The following ANKRD55 variants were observed in gnomAD, a reference collection of about 807,000 sequenced individuals.
ANKRD55 encodes the protein ankyrin repeat domain 55, also known as ankyrin repeat domain-containing protein 55.
Under a neutral mutation model 60.6 loss-of-function variants are expected in ANKRD55, and 41 were observed. That is an observed-to-expected ratio of 0.68 (90% CI 0.53 to 0.88). The LOEUF (loss-of-function observed/expected upper bound fraction) is 0.88, where lower values mean the gene tolerates loss of function less well. Among genes scored for constraint, ANKRD55 ranks in the 40% least tolerant of loss-of-function variants. The pLI, the probability that ANKRD55 is intolerant of heterozygous loss-of-function variation, is 0.00. For synonymous variants in ANKRD55, 264 were observed against 290.3 expected, an observed-to-expected ratio of 0.91 and a Z score of 0.92; for missense variants, 732 against 767.6, an observed-to-expected ratio of 0.95 and a Z score of 0.55.
intron 9 of ANKRD55, among the ~76,000 whole-genome samples, chr5:56,112,126 C>A (rs977714787): frequency 6.6e-6 from 1 of 152,134 alleles, no homozygotes; most frequent in Non-Finnish European, 1.5e-5. Context: ...GTGTTGTTCT[C>A]ACATCTCAAG....
At chr5:56,113,945 C>T (rs1032403484) in intron 9 of ANKRD55, among the ~76,000 whole-genome samples, 3 of 149,144 alleles carry the variant, frequency 2.0e-5, no homozygotes, top group East Asian at 2.0e-4. Context: ...TCACTGCGCT[C>T]GACCCATCTG....
intron 5 of ANKRD55, among the ~76,000 whole-genome samples, chr5:56,165,901 C>T (rs1299801245): frequency 6.6e-6 from 1 of 152,042 alleles, no homozygotes; most frequent in East Asian, 1.9e-4. Context: ...TACGCTCCAG[C>T]CTGGGCAACA....
At chr5:56,146,926 A>C (rs1457764883) in intron 6 of ANKRD55, 2 of 152,226 alleles carry the variant, frequency 1.3e-5, no homozygotes, top group Non-Finnish European at 2.9e-5. Context: ...TTCAGTGCGA[A>C]AATGTGGTTG....
At chr5:56,168,323 C>A (rs1330956161) in intron 5 of ANKRD55, among the ~76,000 whole-genome samples, 1 of 152,116 alleles carries the variant, frequency 6.6e-6, no homozygotes, top group Non-Finnish European at 1.5e-5. Context: ...ATAAACAATT[C>A]ATGTTTTAAA....
At chr5:56,182,634 G>T (rs1169338629) in intron 3 of ANKRD55, among the ~76,000 whole-genome samples, 1 of 151,556 alleles carries the variant, frequency 6.6e-6, no homozygotes, top group Non-Finnish European at 1.5e-5. Context: ...TTGGTATGAC[G>T]AGTGATTTTT....
At chr5:56,104,291 A>G (rs891780987) in intron 10 of ANKRD55, among the ~76,000 whole-genome samples, 1 of 152,102 alleles carries the variant, frequency 6.6e-6, no homozygotes, top group Non-Finnish European at 1.5e-5. Context: ...GGACCTTGTG[A>G]CTTGGAGGAG....
At chr5:56,102,422 G>T in intron 11 of ANKRD55, 72 bp downstream of exon 11, 1 of 1,129,680 alleles carries the variant, frequency 8.9e-7, no homozygotes, top group Non-Finnish European at 1.3e-6. Flanking sequence ...AAAGTAAACG[G>T]AAATAACATT....
At chr5:56,223,302 C>G (rs1047331219) in intron 2 of ANKRD55, among the ~76,000 whole-genome samples, 1 of 152,164 alleles carries the variant, frequency 6.6e-6, no homozygotes, top group Non-Finnish European at 1.5e-5. Context: ...CAAGCAAATG[C>G]TGAGAGATTT....
At chr5:56,193,610 G>A (rs1315092637) in intron 2 of ANKRD55, 2 of 313,302 alleles carry the variant, frequency 6.4e-6, no homozygotes, top group East Asian at 1.6e-4. Context: ...AAAAATGAAG[G>A]CACAAAAGTG....
intron 8 of ANKRD55, among the ~76,000 whole-genome samples, chr5:56,125,170 T>C (rs1170859471): frequency 6.6e-6 from 1 of 152,220 alleles, no homozygotes; most frequent in Non-Finnish European, 1.5e-5. Flanking sequence ...TTTGTTCTTT[T>C]TTTAAAAAAT....
intron 2 of ANKRD55, among the ~76,000 whole-genome samples, chr5:56,210,035 T>A (rs1265884759): frequency 6.6e-6 from 1 of 151,950 alleles, no homozygotes; most frequent in Middle Eastern, 3.4e-3. Context: ...TGAGATGGAG[T>A]CTCGTTCTGT....
chr5:56,149,571 A>G (rs16884917), intron 6 of ANKRD55, among the ~76,000 whole-genome samples: 1,944 of 152,332 alleles, frequency 0.013, 55 homozygotes, highest in African/African-American at 0.044. Context: ...CTTCTGCACT[A>G]AACTGTGAAC....
intron 8 of ANKRD55, 86 bp downstream of exon 8, chr5:56,126,836 A>G (rs2111720369): frequency 6.9e-7 from 1 of 1,442,614 alleles, no homozygotes; most frequent in Non-Finnish European, 9.4e-7. Context: ...GCTGTATAGG[A>G]CACCTCCTTA....
At chr5:56,102,044 C>T (rs1358685013) in intron 11 of ANKRD55, among the ~76,000 whole-genome samples, 2 of 151,944 alleles carry the variant, frequency 1.3e-5, no homozygotes, top group Non-Finnish European at 2.9e-5. Context: ...TAAAGATGGT[C>T]TCTGTTTTCC....
At chr5:56,231,762 C>T (rs892101228) in intron 2 of ANKRD55, among the ~76,000 whole-genome samples, 2 of 152,024 alleles carry the variant, frequency 1.3e-5, no homozygotes, top group Non-Finnish European at 2.9e-5. Flanking sequence ...CACATATATA[C>T]ATTAGCTAAC....
At chr5:56,229,280 G>A (rs189927411) in intron 2 of ANKRD55, among the ~76,000 whole-genome samples, 11 of 152,228 alleles carry the variant, frequency 7.2e-5, no homozygotes, top group East Asian at 1.9e-4. Flanking sequence ...CGCTTCCTGC[G>A]TGTGTGGGCT....
chr5:56,198,342 C>T (rs2111853247), intron 2 of ANKRD55, among the ~76,000 whole-genome samples: 1 of 151,930 alleles, frequency 6.6e-6, no homozygotes, highest in Middle Eastern at 3.4e-3. Context: ...TCTTGTTACC[C>T]AGGCGTGATC....
intron 2 of ANKRD55, chr5:56,193,589 G>T: frequency 3.0e-6 from 1 of 328,378 alleles, no homozygotes; most frequent in Non-Finnish European, 5.9e-6. Context: ...AAGGAAATTA[G>T]TCAAGCAAAC....
chr5:56,176,235 C>A lies in ANKRD55; in HGVS notation c.229G>T (p.Val77Leu). Residue 77 changes from valine (V) to leucine (L), a missense_variant, in exon 4 of 12, where the codon GTG (valine) becomes TTG (leucine). Physicochemically the swap from Val to Leu is conservative, Grantham distance 32 (BLOSUM62 1). Coordinates refer to ENST00000341048, the MANE Select transcript of ANKRD55 (RefSeq NM_024669.3). The stretch of plus-strand genomic sequence containing the variant: ...GCTCCCATCTTCAACAGCAGCTTCA[C>A]TGTGTCCGCTTGACGTCCAGAAACC... ...HAVSGRQADT[V>L]KLLLKMGANI... 6.2e-7 allele frequency: 1 copy of A among 1,614,244 alleles called. No homozygotes were observed. The highest frequency in any genetic ancestry group is 8.5e-7 in the Non-Finnish European group (1 of 1,180,044).
Sources: gnomAD v4.1 joint callset for allele counts (sites outside exome capture counted in the v4.1 genomes callset) on GRCh38, gnomAD v4.1.1 for gene constraint, MANE v1.5 for transcripts, NCBI Gene and HGNC (gene_info 2026-07-23, HGNC 2026-07-21) for gene names.